The following SLC4A1AP variants were observed in gnomAD, a reference collection of about 807,000 sequenced individuals.
SLC4A1AP encodes solute carrier family 4 member 1 adaptor protein, also known as kanadaptin.
In SLC4A1AP, 64 loss-of-function variants were observed where a neutral mutation model predicts 89.7. That is an observed-to-expected ratio of 0.71 (90% confidence interval 0.58 to 0.88). The LOEUF is 0.88. SLC4A1AP is among the 40% of genes least tolerant of loss of function. The pLI is 0.00. For missense variants in SLC4A1AP, 931 were observed against 965.0 expected (o/e 0.96, Z 0.47); for synonymous variants, 366 against 353.3 (o/e 1.04, Z -0.40).
chr2:27,665,196 C>G (rs1473619317), exon 2 of SLC4A1AP: 1 of 1,613,322 alleles, frequency 6.2e-7, no homozygotes, highest in Non-Finnish European at 8.5e-7. Context: ...GAAGAAGATG[C>G]TAGGAGAAGA....
At chr2:27,685,421 C>A (rs1675689644) in intron 10 of SLC4A1AP, 144 bp downstream of exon 10, 8 of 1,109,654 alleles carry the variant, frequency 7.2e-6, no homozygotes, top group Non-Finnish European at 9.9e-6. Context: ...AACATACTTT[C>A]TTGGTCTTCT....
intron 1 of SLC4A1AP, 84 bp from the exon 2 acceptor site, chr2:27,665,016 C>T (rs533068661): frequency 1.2e-5 from 13 of 1,070,982 alleles, no homozygotes; most frequent in Non-Finnish European, 1.8e-5. Flanking sequence ...GTATTACAGC[C>T]ACTGCACTCC....
chr2:27,679,219 C>T (rs1347090330), intron 8 of SLC4A1AP, among the ~76,000 whole-genome samples: 1 of 152,196 alleles, frequency 6.6e-6, no homozygotes, highest in Admixed American at 6.5e-5. Flanking sequence ...ATTTGTCCCT[C>T]ACATACTTAG....
At chr2:27,681,736 G>A (rs1675623154) in intron 8 of SLC4A1AP, among the ~76,000 whole-genome samples, 2 of 152,134 alleles carry the variant, frequency 1.3e-5, no homozygotes, top group South Asian at 4.1e-4. Context: ...AATGTTGACA[G>A]GCTCAGCAGT....
intron 5 of SLC4A1AP, among the ~76,000 whole-genome samples, chr2:27,675,307 T>A (rs1487014265): frequency 2.0e-5 from 3 of 152,204 alleles, no homozygotes; most frequent in African/African-American, 7.2e-5. Flanking sequence ...TTGACTACTT[T>A]AGGTATCTCA....
At chr2:27,694,475 A>T (rs1198856879) in intron 13 of SLC4A1AP, among the ~76,000 whole-genome samples, 159 bp from the exon 14 acceptor site, 2 of 152,324 alleles carry the variant, frequency 1.3e-5, no homozygotes, top group South Asian at 2.1e-4. Flanking sequence ...GAAATGAAAG[A>T]GGGCTGTATT....
chr2:27,669,570 T>C (rs1675388176), intron 5 of SLC4A1AP, among the ~76,000 whole-genome samples, 183 bp downstream of exon 5: 1 of 152,202 alleles, frequency 6.6e-6, no homozygotes, highest in African/African-American at 2.4e-5. Context: ...TTTCTATGCA[T>C]ATATAGATGT....
chr2:27,688,658 A>T (rs930599115), intron 11 of SLC4A1AP, 42 bp from the exon 12 acceptor site: 2 of 1,383,062 alleles, frequency 1.4e-6, no homozygotes, highest in African/African-American at 2.9e-5. Context: ...TATTTTACTT[A>T]TACTGAAAAT....
At chr2:27,688,882 C>A in intron 12 of SLC4A1AP, 115 bp downstream of exon 12, 1 of 675,878 alleles carries the variant, frequency 1.5e-6, no homozygotes, top group Non-Finnish European at 2.4e-6. Flanking sequence ...TTATTCCCCT[C>A]TCCTAGAAAT....
At chr2:27,671,216 C>T (rs892608265) in intron 5 of SLC4A1AP, among the ~76,000 whole-genome samples, 4 of 152,202 alleles carry the variant, frequency 2.6e-5, no homozygotes, top group Admixed American at 6.5e-5. Flanking sequence ...CCACTGCGCC[C>T]AGCCTAAAAA....
chr2:27,673,913 T>C (rs1675470566), intron 5 of SLC4A1AP, among the ~76,000 whole-genome samples: 1 of 152,062 alleles, frequency 6.6e-6, no homozygotes, highest in Admixed American at 6.6e-5. Context: ...AACAACTGCA[T>C]GAACCAGAAC....
intron 12 of SLC4A1AP, chr2:27,692,998 G>GTGAT (rs1675812267): frequency 6.6e-6 from 1 of 152,134 alleles, no homozygotes; most frequent in Non-Finnish European, 1.5e-5. Context: ...GTGCAGTGGT[G>GTGAT]TGATCTCAGC....
At chr2:27,666,217 G>T (rs1558504821) in intron 2 of SLC4A1AP, among the ~76,000 whole-genome samples, 1 of 151,906 alleles carries the variant, frequency 6.6e-6, no homozygotes, top group South Asian at 2.1e-4. Flanking sequence ...TTAAGATGAC[G>T]CATACAGCTG....
rs750682593 is a variant in SLC4A1AP, at chr2:27,677,737, G to T, written c.1577-1G>T. 1 of 1,594,354 alleles carries T rather than the reference G, an allele frequency of 6.3e-7. No homozygotes were observed. ...ACATGTGTTATTCTTTTCTTGGACA[G>T]TTCTATCAGAGTCTCCATCTCAGGA... On this transcript the variant is annotated splice_acceptor_variant, in intron 7 of 13. Transcript: ENST00000613058. LOFTEE classifies it high-confidence loss of function.
At chr2:27,668,939 A>G in intron 4 of SLC4A1AP, 36 bp downstream of exon 4, 1 of 1,591,828 alleles carries the variant, frequency 6.3e-7, no homozygotes, top group Non-Finnish European at 8.6e-7. Context: ...TTTTCTGGAA[A>G]ATGGCCAATT....
chr2:27,680,879 C>T (rs531048603), intron 8 of SLC4A1AP, among the ~76,000 whole-genome samples: 6 of 151,950 alleles, frequency 3.9e-5, no homozygotes, highest in African/African-American at 1.2e-4. Flanking sequence ...TCTCAGCTTC[C>T]TCCAGAGCCT....
chr2:27,684,543 T>C (rs1347735660), intron 9 of SLC4A1AP, among the ~76,000 whole-genome samples: 1 of 152,230 alleles, frequency 6.6e-6, no homozygotes, highest in Non-Finnish European at 1.5e-5. Flanking sequence ...GATTAGAATA[T>C]TTAGCTTTAT....
Position 27,693,815 on chromosome 2 carries a change from A to G in SLC4A1AP, c.2341+61A>G, listed in dbSNP as rs1025125379. 1.1e-5 allele frequency: 14 copies of G among 1,276,412 alleles called. No homozygotes were observed. In the African/African-American group the frequency reaches 1.8e-4, roughly 17 times the overall value. 79.1% of individuals were successfully genotyped at this position (1,276,412 alleles called of 1,614,324 possible). A position where few individuals can be genotyped will look rare whatever the true frequency, so the allele number is the denominator to read the frequency against. ...ATTTATTTATATTTTTGAATAGGTA[A>G]TATAGATTTAAGGTTCAACATAAGA... On this transcript the variant is annotated intron_variant, in intron 13 of 13. Coordinates refer to ENST00000613058, the Ensembl canonical transcript of SLC4A1AP.
exon 1 of SLC4A1AP, chr2:27,664,351 G>T (rs760059043): frequency 6.2e-7 from 1 of 1,614,198 alleles, no homozygotes; most frequent in Non-Finnish European, 8.5e-7. Context: ...TGCGACGTGT[G>T]CCTGGAGCAC....
Sources: allele counts gnomAD v4.1 joint callset (sites outside exome capture counted in the v4.1 genomes callset), GRCh38; gene constraint gnomAD v4.1.1; transcripts MANE v1.5; gene names NCBI Gene and HGNC (gene_info 2026-07-23, HGNC 2026-07-21).